TNRC6A: variants seen among roughly 807,000 people sequenced by gnomAD.
TNRC6A encodes trinucleotide repeat containing adaptor 6A, also known as trinucleotide repeat-containing gene 6A protein.
In TNRC6A, 44 loss-of-function variants were observed where a neutral mutation model predicts 221.2. The ratio of observed to expected loss-of-function variants is 0.20; its 90% CI spans 0.16 to 0.26. The LOEUF (loss-of-function observed/expected upper bound fraction) is 0.26. TNRC6A is among the 10% of genes least tolerant of loss of function. The pLI, the probability that TNRC6A is intolerant of heterozygous loss-of-function variation, is 1.00. For missense variants in TNRC6A, 2,199 were observed against 2,404.4 expected (o/e 0.91, Z 1.79); for synonymous variants, 847 against 838.5 (o/e 1.01, Z -0.18).
chr16:24,822,060 T>C lies in TNRC6A; in HGVS notation c.5303-17T>C, dbSNP rs2058776081. 1 of 1,611,974 alleles carries C rather than the reference T, an allele frequency of 6.2e-7. No individual in the cohort carries two copies. The highest frequency in any genetic ancestry group is 1.1e-5 in the South Asian group (1 of 90,942). ...TCAGTCCTGGAAAACTGACTTGTCCTTTTTTTCCTTGTTTAGGTTCCAGCT... is the reference window on the plus strand; with the variant it reads ...TCAGTCCTGGAAAACTGACTTGTCCCTTTTTTCCTTGTTTAGGTTCCAGCT... On this transcript the variant is annotated splice_polypyrimidine_tract_variant and intron_variant, in intron 22 of 24. Transcript: ENST00000395799.
At chr16:24,680,940 A>G (rs977321710) in intron 2 of TNRC6A, among the ~76,000 whole-genome samples, 1 of 148,604 alleles carries the variant, frequency 6.7e-6, no homozygotes, top group Non-Finnish European at 1.5e-5. Flanking sequence ...AAAAAAAAAA[A>G]TTTTTTTTTT....
chr16:24,673,361 G>A (rs1313681443), intron 2 of TNRC6A, among the ~76,000 whole-genome samples: 5 of 152,096 alleles, frequency 3.3e-5, no homozygotes, highest in Admixed American at 1.3e-4. Context: ...GGTCCACTGG[G>A]CTTCAAAGCT....
intron 5 of TNRC6A, among the ~76,000 whole-genome samples, chr16:24,783,303 A>G (rs1252205634): frequency 6.6e-6 from 1 of 151,926 alleles, no homozygotes; most frequent in Non-Finnish European, 1.5e-5. Context: ...TAATTTTTGT[A>G]TTTTTAGTAG....
chr16:24,790,145 C>T lies in TNRC6A; in HGVS notation c.1503C>T (p.Gly501=), dbSNP rs1391419506. Residue 501 remains glycine (G), a synonymous_variant, in exon 6 of 25, where the codon GGC becomes GGT. Coordinates refer to ENST00000395799, the MANE Select transcript of TNRC6A (RefSeq NM_014494.4). The stretch of plus-strand genomic sequence containing the variant: ...TGCAGGCTCCATCAGGTATGAATGG[C>T]ACTTCCCTTTCTCACCTTAGCAATG... ...PQMQAPSGMN[G]TSLSHLSNGE... 13 of 1,614,104 alleles carry T rather than the reference C, an allele frequency of 8.1e-6. No individual in the cohort carries two copies. The highest frequency in any genetic ancestry group is 2.7e-5 in the African/African-American group (2 of 74,932).
intron 4 of TNRC6A, among the ~76,000 whole-genome samples, chr16:24,772,762 G>A (rs889343182): frequency 6.6e-6 from 1 of 152,140 alleles, no homozygotes; most frequent in Middle Eastern, 3.2e-3. Flanking sequence ...CAGCCTGAGC[G>A]AGACTCTTGT....
At chr16:24,804,579 C>G (rs1393313079) in intron 12 of TNRC6A, 126 bp from the exon 13 acceptor site, 1 of 1,387,090 alleles carries the variant, frequency 7.2e-7, no homozygotes, top group African/African-American at 1.5e-5. Flanking sequence ...CCGATCTCTT[C>G]TGTTTTCTAC....
rs955094990 is a variant in TNRC6A at position 24,701,366 on chromosome 16, T to TC, written n.403-49360_403-49359insC. 8.6e-5 allele frequency among the ~76,000 whole-genome samples: 12 copies of TC among 139,980 alleles called. 1 individual carries two copies. The highest frequency in any genetic ancestry group is 2.0e-4 in the East Asian group (1 of 5,098). The allele number at this position is 139,980 out of a possible 152,430, so 91.8% of individuals were successfully genotyped here. On this transcript the variant is annotated intron_variant and non_coding_transcript_variant, in intron 2 of 2. Coordinates refer to the TNRC6A transcript ENST00000566108. ...TCCCACCCACCTTACTAACTTTTTTTTCTTTTTTTTTTTTTTTGAGACGGA... is the reference window on the plus strand; with the variant it reads ...TCCCACCCACCTTACTAACTTTTTTTCTCTTTTTTTTTTTTTTTGAGACGGA...
upstream of TNRC6A, among the ~76,000 whole-genome samples, chr16:24,726,012 AAC>A (rs1442452596): frequency 2.0e-5 from 3 of 152,068 alleles, no homozygotes; most frequent in Admixed American, 6.6e-5. Flanking sequence ...AAAAAAAAAA[AAC>A]AAATCTGTCT....
At chr16:24,812,756 T>A (rs374183322) in intron 18 of TNRC6A, among the ~76,000 whole-genome samples, 22 of 152,278 alleles carry the variant, frequency 1.4e-4, no homozygotes, top group African/African-American at 5.3e-4. Context: ...AATTGCCTAG[T>A]TTCTCCAAGT....
At chr16:24,793,670 G>A (rs1307420966) in intron 7 of TNRC6A, 21 bp downstream of exon 7, 8 of 1,400,322 alleles carry the variant, frequency 5.7e-6, no homozygotes, top group Non-Finnish European at 9.4e-7. Context: ...GACAATGCCT[G>A]GTAGCTGTTA....
chr16:24,752,234 A>T (rs1371860437), intron 3 of TNRC6A, among the ~76,000 whole-genome samples: 1 of 152,162 alleles, frequency 6.6e-6, no homozygotes, highest in Admixed American at 6.5e-5. Context: ...TGTTTAAAGG[A>T]TATAGAGGGA....
intron 1 of TNRC6A, among the ~76,000 whole-genome samples, chr16:24,618,892 A>G (rs1195684092): frequency 1.3e-5 from 2 of 152,098 alleles, no homozygotes; most frequent in Admixed American, 6.6e-5. Flanking sequence ...GGCCTCCCGA[A>G]GTGCTAGGAT....
At chr16:24,742,704 C>T (rs927707437) in intron 2 of TNRC6A, among the ~76,000 whole-genome samples, 2 of 152,166 alleles carry the variant, frequency 1.3e-5, no homozygotes, top group African/African-American at 4.8e-5. Context: ...GGTGAATCAC[C>T]TGACGTCAGG....
chr16:24,637,908 T>C (rs1230986777), intron 1 of TNRC6A, among the ~76,000 whole-genome samples: 1 of 152,088 alleles, frequency 6.6e-6, no homozygotes, highest in Non-Finnish European at 1.5e-5. Context: ...TCTCAGCCTC[T>C]CAAGTATCTG....
chr16:24,625,737 CAA>C (rs749882396), intron 1 of TNRC6A, among the ~76,000 whole-genome samples: 5 of 24,048 alleles, frequency 2.1e-4, no homozygotes, highest in Admixed American at 5.3e-4. Context: ...CGTCTCAAAA[CAA>C]AAAAAAAAAA....
At chr16:24,769,627 G>A (rs1215558924) in intron 4 of TNRC6A, among the ~76,000 whole-genome samples, 1 of 152,126 alleles carries the variant, frequency 6.6e-6, no homozygotes, top group Non-Finnish European at 1.5e-5. Flanking sequence ...GATCTCAGTG[G>A]CTGGTCTTGT....
chr16:24,656,051 G>C (rs1487433551), intron 2 of TNRC6A, among the ~76,000 whole-genome samples: 1 of 151,264 alleles, frequency 6.6e-6, no homozygotes, highest in Admixed American at 6.6e-5. Flanking sequence ...GCTGAGGCAG[G>C]AGGATCACCT....
intron 2 of TNRC6A, among the ~76,000 whole-genome samples, chr16:24,661,000 C>T (rs955136030): frequency 6.6e-6 from 1 of 152,106 alleles, no homozygotes. Flanking sequence ...CTCGGCCTCC[C>T]AAAGTGCTGG....
intron 2 of TNRC6A, among the ~76,000 whole-genome samples, chr16:24,708,666 G>A (rs7188960): frequency 0.26 from 39,002 of 151,642 alleles, 8,314 homozygotes; most frequent in East Asian, 0.72. Context: ...CTCCCCCTTC[G>A]AGTCCCCAGA....
Sources: allele counts gnomAD v4.1 joint callset (sites outside exome capture counted in the v4.1 genomes callset), GRCh38; gene constraint gnomAD v4.1.1; transcripts MANE v1.5; gene names NCBI Gene and HGNC (gene_info 2026-07-23, HGNC 2026-07-21).